Variants in BCL3 observed in about 807,000 individuals in gnomAD.
The protein encoded by BCL3 is BCL3 transcription coactivator.
A neutral mutation model predicts 35.7 loss-of-function variants in BCL3; 15 were observed. That is an observed-to-expected ratio of 0.42 (90% CI 0.28 to 0.65). The LOEUF is 0.65. BCL3 is among the 30% of genes least tolerant of loss of function. The pLI, the probability that BCL3 is intolerant of heterozygous loss-of-function variation, is 0.22. For synonymous variants in BCL3, 311 were observed against 284.3 expected (o/e 1.09, Z -0.95); for missense variants, 565 against 641.7 (o/e 0.88, Z 1.29).
At position 44,757,947 on chromosome 19, in the gene BCL3, C is replaced by T. The variant is rs1967331327; in HGVS notation, c.891+224C>T. On this transcript the variant is annotated intron_variant, in intron 6 of 8. Coordinates refer to ENST00000164227, the MANE Select transcript of BCL3 (RefSeq NM_005178.5). The surrounding 1 kb of genome is among the most constrained non-coding windows in gnomAD (Gnocchi z 8.4). Reference sequence around the variant, plus strand: ...TCTGCCACCTCAACGGCCTAGGCCCCGCCCTGCGATGGCCTGGCTGACCCC... The same window carrying T: ...TCTGCCACCTCAACGGCCTAGGCCCTGCCCTGCGATGGCCTGGCTGACCCC... Among the ~76,000 whole-genome samples the T allele has an allele frequency of 6.6e-6, 1 of 152,160 alleles. No individual in the cohort carries two copies. The highest frequency in any genetic ancestry group is 6.5e-5 in the Admixed American group (1 of 15,280).
chr19:44,756,168 C>A, intron 2 of BCL3, 64 bp from the exon 3 acceptor site: 1 of 1,154,722 alleles, frequency 8.7e-7, no homozygotes, highest in Non-Finnish European at 1.1e-6. Flanking sequence ...GCATTGCCAA[C>A]AGCATGAGGG....
At chr19:44,748,105 T>A (rs1967099786), upstream of BCL3, 1 of 1,327,836 alleles carries the variant, frequency 7.5e-7, no homozygotes, top group Admixed American at 2.3e-5. Context: ...AGAGGGGAAG[T>A]GTTTGGCCAA....
chr19:44,756,992 G>A, intron 3 of BCL3, 25 bp from the exon 4 acceptor site: 3 of 1,575,988 alleles, frequency 1.9e-6, no homozygotes, highest in Non-Finnish European at 2.6e-6. Flanking sequence ...CTGGACACAG[G>A]TCCCTCACAG....
upstream of BCL3, chr19:44,748,485 C>T: frequency 1.2e-5 from 2 of 161,328 alleles, no homozygotes; most frequent in Non-Finnish European, 2.6e-5. Flanking sequence ...CCTCTCCCTC[C>T]CCCGCCGAGG....
At chr19:44,750,279 C>T (rs1487994608) in intron 1 of BCL3, among the ~76,000 whole-genome samples, 2 of 123,934 alleles carry the variant, frequency 1.6e-5, no homozygotes, top group South Asian at 2.7e-4. Flanking sequence ...GCCATGGTCC[C>T]CTCGCCTTTG....
chr19:44,757,555 T>C lies in BCL3; in HGVS notation c.814-91T>C. On this transcript the variant is annotated intron_variant, in intron 5 of 8. Transcript: ENST00000164227. The surrounding 1 kb of genome is among the most constrained non-coding windows in gnomAD (Gnocchi z 8.4). ...GGAGTATCAGACCCAAGAGAGAGGC[T>C]GGACCCCGCGAATGGGATGTGGACG... 6.5e-7 allele frequency: 1 copy of C among 1,543,868 alleles called. No individual in the cohort carries two copies.
At position 44,759,799 on chromosome 19, in the gene BCL3, C is replaced by T. The variant is rs1279532145; in HGVS notation, c.*184C>T. The T allele has an allele frequency of 9.6e-6, 5 of 522,722 alleles. No individual in the cohort carries two copies. Among genetic ancestry groups the T allele is most frequent in the Non-Finnish European group, 1.7e-5 (5 of 299,554 alleles). The allele number at this position is 522,722 out of a possible 1,614,324, so 32.4% of individuals were successfully genotyped here. A position where few individuals can be genotyped will look rare whatever the true frequency, so the allele number is the denominator to read the frequency against. The stretch of plus-strand genomic sequence containing the variant: ...CTTCTGAGCACAGATGTTCCCCCAT[C>T]TCGCTCCCTCCCAGGACTCTGACCC... On this transcript the variant is annotated 3_prime_UTR_variant, in exon 9 of 9. Transcript: ENST00000164227.
chr19:44,748,816 TG>T lies in BCL3; in HGVS notation c.28del (p.Asp10ThrfsTer95). MPRCPAGA[M>X]DEGPVDLRTR... The stretch of plus-strand genomic sequence containing the variant: ...ATGCCCCGATGCCCCGCGGGGGCCA[TG>T]GACGAGGGGCCCGTGGACCTGCGCA... On this transcript the variant is annotated frameshift_variant, in exon 1 of 9. Coordinates refer to ENST00000164227, the MANE Select transcript of BCL3 (RefSeq NM_005178.5). LOFTEE classifies it high-confidence loss of function. The T allele has an allele frequency of 9.0e-7, 1 of 1,106,526 alleles. No homozygotes were observed. Among genetic ancestry groups the T allele is most frequent in the Non-Finnish European group, 1.1e-6 (1 of 908,636 alleles). 68.5% of individuals were successfully genotyped at this position (1,106,526 alleles called of 1,614,324 possible). A position where few individuals can be genotyped will look rare whatever the true frequency, so the allele number is the denominator to read the frequency against.
At chr19:44,748,539 G>T, upstream of BCL3, 1 of 249,402 alleles carries the variant, frequency 4.0e-6, no homozygotes, top group South Asian at 1.4e-4. Flanking sequence ...GGCAAGCGGG[G>T]CGCGGCGCGG....
intron 2 of BCL3, among the ~76,000 whole-genome samples, chr19:44,754,230 G>A (rs947666731): frequency 2.0e-5 from 3 of 152,196 alleles, no homozygotes; most frequent in Non-Finnish European, 4.4e-5. Flanking sequence ...GATGTTGGGG[G>A]TGGATGCCGG....
In BCL3 at chr19:44,754,148, T is replaced by C. The variant is rs183552432; in HGVS notation, c.411-2084T>C. ...CAAGGACTGGCAAGGTAGTTTGGGA[T>C]CCTGGAGCTCTGAAGGACGGGGGAA... is the stretch of plus-strand genomic sequence containing the variant. On this transcript the variant is annotated intron_variant, in intron 2 of 8. Transcript: ENST00000164227. Among the ~76,000 whole-genome samples, 322 of 152,232 alleles carry C rather than the reference T, an allele frequency of 2.1e-3. 2 individuals are homozygous for C. Among genetic ancestry groups the C allele is most frequent in the Non-Finnish European group, 3.9e-3 (267 of 68,006 alleles).
rs67149311 is a variant in BCL3 at position 44,759,707 on chromosome 19, GCCCCC to G, written c.*100_*104del. The G allele has an allele frequency of 5.5e-6, 3 of 541,174 alleles. No individual in the cohort carries two copies. Among genetic ancestry groups the G allele is most frequent in the Non-Finnish European group, 9.3e-6 (3 of 322,800 alleles). The allele number at this position is 541,174 out of a possible 1,614,324, so 33.5% of individuals were successfully genotyped here. ...CTGGAAACTGTGAAGATCTCACTCT[GCCCCC>G]CCCCCCCATCTTCGGGACCAGGATT... On this transcript the variant is annotated 3_prime_UTR_variant, in exon 9 of 9. Coordinates refer to ENST00000164227, the MANE Select transcript of BCL3 (RefSeq NM_005178.5).
chr19:44,757,447 G>T lies in BCL3; in HGVS notation c.813+32G>T, dbSNP rs756457645. 8 of 1,561,472 alleles carry T rather than the reference G, an allele frequency of 5.1e-6. No homozygotes were observed. The highest frequency in any genetic ancestry group is 1.8e-4 in the Middle Eastern group (1 of 5,544). Reference sequence around the variant, plus strand: ...GTGCACTAGGAGCTGGGAGGGAGCGGGGCCTTAGCAGGGGCGGGGTCTTGG... The same window carrying T: ...GTGCACTAGGAGCTGGGAGGGAGCGTGGCCTTAGCAGGGGCGGGGTCTTGG... On this transcript the variant is annotated intron_variant, in intron 5 of 8. Coordinates refer to ENST00000164227, the MANE Select transcript of BCL3 (RefSeq NM_005178.5). This position sits in a 1 kb window ranked among gnomAD's most constrained non-coding sequence, Gnocchi z 8.4.
Position 44,749,059 on chromosome 19 carries a change from C to A in BCL3, c.256+13C>A. 2 of 1,301,066 alleles carry A rather than the reference C, an allele frequency of 1.5e-6. No homozygotes were observed. Among genetic ancestry groups the A allele is most frequent in the South Asian group, 1.9e-5 (1 of 53,920 alleles). 80.6% of individuals were successfully genotyped at this position (1,301,066 alleles called of 1,614,324 possible). A position where few individuals can be genotyped will look rare whatever the true frequency, so the allele number is the denominator to read the frequency against. ...CTTTACTACCCCGGTGAGTGGCCCC[C>A]GAGGGTCCGGGCCGGGTGGGATCCA... On this transcript the variant is annotated intron_variant, in intron 1 of 8. Transcript: ENST00000164227.
At chr19:44,749,295 G>T (rs1272172186) in intron 1 of BCL3, among the ~76,000 whole-genome samples, 2 of 148,548 alleles carry the variant, frequency 1.3e-5, no homozygotes, top group Non-Finnish European at 3.0e-5. Flanking sequence ...GGGGGGGGGG[G>T]GGCCAGGGAC....
At chr19:44,759,110 A>G (rs2376553) in intron 8 of BCL3, among the ~76,000 whole-genome samples, 6,943 of 88,390 alleles carry the variant, frequency 0.079, 697 homozygotes, top group African/African-American at 0.22. Context: ...TCTTATCTCA[A>G]ACCTCAGCCC....
Position 44,757,631 on chromosome 19 carries a change from C to A in BCL3, c.814-15C>A. On this transcript the variant is annotated splice_polypyrimidine_tract_variant and intron_variant, in intron 5 of 8. Coordinates refer to ENST00000164227, the MANE Select transcript of BCL3 (RefSeq NM_005178.5). This position sits in a 1 kb window ranked among gnomAD's most constrained non-coding sequence, Gnocchi z 8.4. ...CAGAGCTTGGAGAAACTAAGACCTT[C>A]CCTCCCCGCCGCAGGACATTAAGAG... The A allele has an allele frequency of 3.7e-6, 6 of 1,613,154 alleles. No individual in the cohort carries two copies. The South Asian group carries it at 4.4e-5, about 12-fold the overall frequency.
At position 44,757,137 on chromosome 19, in the gene BCL3, G is replaced by C. The variant is rs138512809; in HGVS notation, c.640G>C (p.Glu214Gln). The change falls in exon 4 of 9, where the codon GAG (glutamate) becomes CAG (glutamine). Residue 214 changes from glutamate (E) to glutamine (Q), a missense_variant. Glu to Gln is a conservative substitution (Grantham distance 29). Around this residue, in one of 5 missense-constraint regions of BCL3, gnomAD observed 5 missense variants for 27.2 expected, o/e 0.18. Transcript: ENST00000164227. The surrounding 1 kb of genome is among the most constrained non-coding windows in gnomAD (Gnocchi z 8.4). ...HGQTAAHLAC[E>Q]HRSPTCLRAL... ...CCAGACGGCCGCTCACCTGGCGTGC[G>C]AGCACCGCAGCCCGACCTGCCTGCG... 117 of 1,595,260 alleles carry C rather than the reference G, an allele frequency of 7.3e-5. No homozygotes were observed. Among genetic ancestry groups the C allele is most frequent in the Non-Finnish European group, 9.7e-5 (114 of 1,171,732 alleles).
At chr19:44,755,773 C>G (rs1403199295) in intron 2 of BCL3, among the ~76,000 whole-genome samples, 2 of 152,136 alleles carry the variant, frequency 1.3e-5, no homozygotes, top group African/African-American at 4.8e-5. Flanking sequence ...CAAAAGTTAG[C>G]TGGGCGCGAT....
Sources: allele counts gnomAD v4.1 joint callset (sites outside exome capture counted in the v4.1 genomes callset), GRCh38; gene constraint gnomAD v4.1.1; regional missense constraint gnomAD v4.1.1; non-coding constraint Gnocchi (gnomAD v3.1); transcripts MANE v1.5; gene names NCBI Gene and HGNC (gene_info 2026-07-23, HGNC 2026-07-21).